DLG2: variants seen among roughly 807,000 people sequenced by gnomAD.
DLG2 encodes the protein discs large MAGUK scaffold protein 2, also known as disks large homolog 2.
A neutral mutation model predicts 132.5 loss-of-function variants in DLG2; 45 were observed. The ratio of observed to expected loss-of-function variants is 0.34; its 90% CI spans 0.27 to 0.44. The LOEUF (loss-of-function observed/expected upper bound fraction) is 0.44. Among genes scored for constraint, DLG2 ranks in the 20% least tolerant of loss-of-function variants. The probability of loss-of-function intolerance (pLI) is 1.00; values close to 1 mark genes in which losing one functional copy is unlikely to be tolerated. For missense variants in DLG2, 1,045 were observed against 1,196.9 expected (o/e 0.87, Z 1.87); for synonymous variants, 424 against 419.6 (o/e 1.01, Z -0.13).
chr11:84,696,156 C>T (rs773448593), intron 6 of DLG2, among the ~76,000 whole-genome samples: 7 of 151,370 alleles, frequency 4.6e-5, no homozygotes, highest in Admixed American at 6.6e-5. Context: ...TAAAAAGTCA[C>T]GGAAATACGC....
chr11:85,509,340 T>C (rs952702476), intron 3 of DLG2, among the ~76,000 whole-genome samples: 1 of 152,038 alleles, frequency 6.6e-6, no homozygotes, highest in African/African-American at 2.4e-5. Context: ...TAAAAGCTAT[T>C]TCTTATTCTA....
chr11:84,168,234 A>G (rs1275722637), intron 8 of DLG2, among the ~76,000 whole-genome samples: 1 of 152,258 alleles, frequency 6.6e-6, no homozygotes, highest in East Asian at 1.9e-4. Context: ...TATTTAAAAT[A>G]TAGAGGTAGA....
intron 7 of DLG2, among the ~76,000 whole-genome samples, chr11:84,288,579 C>CA (rs1425519099): frequency 6.6e-6 from 1 of 152,068 alleles, no homozygotes; most frequent in African/African-American, 2.4e-5. Flanking sequence ...AACTAAATCT[C>CA]AGAGTCATTA....
intron 6 of DLG2, among the ~76,000 whole-genome samples, chr11:84,834,929 T>C (rs997862967): frequency 2.6e-5 from 4 of 151,312 alleles, no homozygotes; most frequent in African/African-American, 9.7e-5. Context: ...TGGGAAAAAA[T>C]CTGACATCAA....
intron 7 of DLG2, among the ~76,000 whole-genome samples, chr11:84,333,229 C>T (rs757119926): frequency 2.0e-5 from 3 of 152,196 alleles, no homozygotes; most frequent in Non-Finnish European, 4.4e-5. Context: ...TTTGATGGCA[C>T]CAAACAAAGA....
intron 3 of DLG2, among the ~76,000 whole-genome samples, chr11:85,380,764 C>A (rs1481805878): frequency 1.3e-5 from 2 of 152,094 alleles, no homozygotes; most frequent in Admixed American, 6.6e-5. Context: ...CATTGAAGGC[C>A]AGTTTATTTC....
chr11:85,221,046 CTTT>C (rs375581362), intron 4 of DLG2, among the ~76,000 whole-genome samples: 2 of 142,872 alleles, frequency 1.4e-5, no homozygotes, highest in Admixed American at 7.0e-5. Flanking sequence ...GTCAAACTTT[CTTT>C]TTTTTTTTTT....
intron 8 of DLG2, among the ~76,000 whole-genome samples, chr11:84,174,273 C>G (rs2095894294): frequency 6.6e-6 from 1 of 151,938 alleles, no homozygotes; most frequent in African/African-American, 2.4e-5. Context: ...ACTTCTTCCC[C>G]TATTGATTTT....
intron 3 of DLG2, among the ~76,000 whole-genome samples, chr11:85,350,003 G>C (rs1374287087): frequency 1.3e-5 from 2 of 152,184 alleles, no homozygotes; most frequent in African/African-American, 4.8e-5. Context: ...ATCCACAATA[G>C]TTGAACTAAT....
intron 16 of DLG2, among the ~76,000 whole-genome samples, chr11:83,866,175 T>A (rs993117121): frequency 6.6e-6 from 1 of 152,062 alleles, no homozygotes; most frequent in African/African-American, 2.4e-5. Flanking sequence ...GAGGACAGAG[T>A]CAATGTCTGC....
chr11:84,769,322 C>G (rs1365306200), intron 6 of DLG2, among the ~76,000 whole-genome samples: 2 of 152,086 alleles, frequency 1.3e-5, no homozygotes, highest in African/African-American at 4.8e-5. Flanking sequence ...AAAAAACTCA[C>G]TTAAGGAATT....
intron 6 of DLG2, among the ~76,000 whole-genome samples, chr11:84,564,751 A>AT (rs1565314832): frequency 6.6e-6 from 1 of 152,102 alleles, no homozygotes; most frequent in Admixed American, 6.5e-5. Flanking sequence ...TGATTCAGTG[A>AT]TTTTCTCAAA....
chr11:84,219,060 T>C (rs1290885726), intron 8 of DLG2, among the ~76,000 whole-genome samples: 1 of 152,350 alleles, frequency 6.6e-6, no homozygotes, highest in East Asian at 1.9e-4. Flanking sequence ...CATTACATAA[T>C]CAATCCTGTA....
intron 6 of DLG2, among the ~76,000 whole-genome samples, chr11:84,600,200 G>GAAAGAAAGAA (rs1565419760): frequency 7.3e-6 from 1 of 136,516 alleles, no homozygotes; most frequent in Admixed American, 7.2e-5. Context: ...AAGAAAGAAA[G>GAAAGAAAGAA]AAAGAAAGAA....
intron 6 of DLG2, among the ~76,000 whole-genome samples, chr11:84,975,965 T>C (rs1238647528): frequency 1.3e-5 from 2 of 152,158 alleles, no homozygotes; most frequent in Non-Finnish European, 2.9e-5. Flanking sequence ...CTTTCATTCC[T>C]CACTTTCTTG....
chr11:84,323,473 G>C (rs1406314708), intron 7 of DLG2, among the ~76,000 whole-genome samples: 2 of 151,996 alleles, frequency 1.3e-5, no homozygotes, highest in East Asian at 3.9e-4. Flanking sequence ...TCTACCTCTT[G>C]GCTATTGTGA....
chr11:83,848,643 C>T (rs1229525506), intron 16 of DLG2, among the ~76,000 whole-genome samples: 2 of 152,182 alleles, frequency 1.3e-5, no homozygotes, highest in African/African-American at 2.4e-5. Context: ...TGCCTTAGTT[C>T]AGGCCCATGA....
At chr11:83,993,389 T>C (rs572210880) in intron 11 of DLG2, among the ~76,000 whole-genome samples, 1 of 152,302 alleles carries the variant, frequency 6.6e-6, no homozygotes, top group South Asian at 2.1e-4. Context: ...AAAGTATATG[T>C]TGAGCATTTT....
At chr11:84,658,819 T>C (rs541373734) in intron 6 of DLG2, among the ~76,000 whole-genome samples, 2 of 152,334 alleles carry the variant, frequency 1.3e-5, no homozygotes, top group East Asian at 3.9e-4. Context: ...TGCTGAACTA[T>C]AAGCCAAGTA....
Sources: gnomAD v4.1 joint callset for allele counts (sites outside exome capture counted in the v4.1 genomes callset) on GRCh38, gnomAD v4.1.1 for gene constraint, MANE v1.5 for transcripts, NCBI Gene and HGNC (gene_info 2026-07-23, HGNC 2026-07-21) for gene names.